TLCD4: variants seen among roughly 807,000 people sequenced by gnomAD.
The protein encoded by TLCD4 is TLC domain-containing protein 4.
TLCD4 carries 7 observed loss-of-function variants against 24.2 expected under a neutral mutation model. The observed-to-expected ratio is 0.29, with a 90% CI of 0.16 to 0.54. The LOEUF is 0.54. Among genes scored for constraint, TLCD4 ranks in the 20% least tolerant of loss-of-function variants. The pLI, the probability that TLCD4 is intolerant of heterozygous loss-of-function variation, is 0.95. For synonymous variants in TLCD4, 103 were observed against 106.4 expected (o/e 0.97, Z 0.20); for missense variants, 259 against 313.9 (o/e 0.82, Z 1.32).
chr1:95,099,358 GTGATTACC>G, the TLCD4 span, among the ~76,000 whole-genome samples: 1 of 152,118 alleles, frequency 6.6e-6, no homozygotes, highest in African/African-American at 2.4e-5. Context: ...TGCTTCCTTA[GTGATTACC>G]TGCTCATCTT....
At chr1:95,182,253 CAT>C (rs1678670890) in intron 6 of TLCD4, among the ~76,000 whole-genome samples, 1 of 150,604 alleles carries the variant, frequency 6.6e-6, no homozygotes, top group South Asian at 2.1e-4. Context: ...CTCAAGCAAT[CAT>C]AGTTTATTGT....
At chr1:95,142,529 T>C (rs1426833532) in intron 1 of TLCD4, among the ~76,000 whole-genome samples, 2 of 152,108 alleles carry the variant, frequency 1.3e-5, no homozygotes, top group African/African-American at 4.8e-5. Context: ...GAAAGTACAC[T>C]CCACAGGGTG....
At chr1:95,137,153 A>G (rs1302509333) in intron 1 of TLCD4, among the ~76,000 whole-genome samples, 2 of 152,214 alleles carry the variant, frequency 1.3e-5, no homozygotes, top group Non-Finnish European at 2.9e-5. Context: ...AAAGGTGTTT[A>G]TGCCTGATCG....
At chr1:95,099,214 G>A in the TLCD4 span, among the ~76,000 whole-genome samples, 8 of 152,032 alleles carry the variant, frequency 5.3e-5, no homozygotes, top group Admixed American at 5.2e-4. Flanking sequence ...AATCACTTGA[G>A]TCCAGAAGTT....
Position 95,148,690 on chromosome 1 carries a change from GTT to G in TLCD4, c.156-10_156-9del. 1 of 1,611,842 alleles carries G rather than the reference GTT, an allele frequency of 6.2e-7. No individual in the cohort carries two copies. Among genetic ancestry groups the G allele is most frequent in the Non-Finnish European group, 8.5e-7 (1 of 1,179,258 alleles). On this transcript the variant is annotated splice_polypyrimidine_tract_variant and intron_variant, in intron 2 of 6. Transcript: ENST00000370203. ...AATCTAAAATCTTTGTGTGTATTTT[GTT>G]TAATTTCAGGGTAGTATCCACATGC...
the TLCD4 span, among the ~76,000 whole-genome samples, chr1:95,106,892 A>G: frequency 2.0e-5 from 3 of 152,346 alleles, no homozygotes; most frequent in African/African-American, 7.2e-5. Flanking sequence ...TGAATGCAGC[A>G]TATGCATTTT....
intron 1 of TLCD4, among the ~76,000 whole-genome samples, chr1:95,137,742 T>C (rs1677087714): frequency 7.0e-6 from 1 of 143,668 alleles, no homozygotes; most frequent in African/African-American, 2.5e-5. Context: ...TTCTTCCTTC[T>C]CTTTTTTTCT....
At chr1:95,172,004 C>T (rs1288763392) in intron 5 of TLCD4, among the ~76,000 whole-genome samples, 1 of 152,140 alleles carries the variant, frequency 6.6e-6, no homozygotes, top group Non-Finnish European at 1.5e-5. Context: ...CACGTGGAGA[C>T]TGGAGTTAGG....
chr1:95,092,646 C>T, the TLCD4 span, among the ~76,000 whole-genome samples: 2 of 151,880 alleles, frequency 1.3e-5, no homozygotes, highest in African/African-American at 4.8e-5. Context: ...AGCAAGACCA[C>T]GAACCTACCA....
intron 1 of TLCD4, among the ~76,000 whole-genome samples, chr1:95,121,789 AT>A (rs1335222676): frequency 6.6e-6 from 1 of 152,200 alleles, no homozygotes; most frequent in Non-Finnish European, 1.5e-5. Context: ...TTCTTATTAC[AT>A]TTTATAAAAG....
At chr1:95,108,363 A>G in the TLCD4 span, among the ~76,000 whole-genome samples, 1 of 152,102 alleles carries the variant, frequency 6.6e-6, no homozygotes, top group African/African-American at 2.4e-5. Context: ...GAATTCATCC[A>G]TATTTTCATG....
chr1:95,173,193 T>C (rs1466306133), intron 5 of TLCD4, among the ~76,000 whole-genome samples: 1 of 152,218 alleles, frequency 6.6e-6, no homozygotes, highest in Non-Finnish European at 1.5e-5. Context: ...TGAGGATAAG[T>C]GCTTTTTTGA....
rs1676460987 is a variant in TLCD4, at chr1:95,117,631, G to GAGGGGGGGTTGGGGAGGA, written c.-12+18_-12+35dup. The GAGGGGGGGTTGGGGAGGA allele has an allele frequency of 6.6e-6, 1 of 152,430 alleles. No individual in the cohort carries two copies. Among genetic ancestry groups the GAGGGGGGGTTGGGGAGGA allele is most frequent in the African/African-American group, 2.4e-5 (1 of 41,400 alleles). 9.4% of individuals were successfully genotyped at this position (152,430 alleles called of 1,614,324 possible). ...GACCCGGCACAGGTGACGCCGTTTGGAGGGGGGGTTGGGGAGGAAGGCGGG... is the reference window on the plus strand; with the variant it reads ...GACCCGGCACAGGTGACGCCGTTTGGAGGGGGGGTTGGGGAGGAAGGGGGGGTTGGGGAGGAAGGCGGG... On this transcript the variant is annotated intron_variant, in intron 1 of 6. Coordinates refer to ENST00000370203, the MANE Select transcript of TLCD4 (RefSeq NM_152487.3).
chr1:95,129,342 T>G (rs12128873), intron 1 of TLCD4, among the ~76,000 whole-genome samples: 13,917 of 152,266 alleles, frequency 0.091, 844 homozygotes, highest in Non-Finnish European at 0.14. Context: ...ATACCCTTTT[T>G]CAAAGTTCAG....
intron 5 of TLCD4, among the ~76,000 whole-genome samples, chr1:95,159,889 T>A (rs2100962628): frequency 6.6e-6 from 1 of 152,364 alleles, no homozygotes; most frequent in East Asian, 1.9e-4. Flanking sequence ...ACCAGTACCA[T>A]GCTGTTTTGG....
At chr1:95,184,326 T>A (rs1169080943) in intron 6 of TLCD4, among the ~76,000 whole-genome samples, 1 of 144,740 alleles carries the variant, frequency 6.9e-6, no homozygotes, top group African/African-American at 2.6e-5. Flanking sequence ...CAAGGATCAA[T>A]TATTTGTCCC....
intron 5 of TLCD4, among the ~76,000 whole-genome samples, chr1:95,171,056 C>G (rs1404501370): frequency 6.6e-6 from 1 of 152,224 alleles, no homozygotes; most frequent in Non-Finnish European, 1.5e-5. Flanking sequence ...CTCATCCCCC[C>G]CCTTTTTTTT....
In TLCD4 at chr1:95,168,913, C is replaced by A. The variant is rs373898745; in HGVS notation, c.400-4903C>A. Among the ~76,000 whole-genome samples, 14 of 152,222 alleles carry A rather than the reference C, an allele frequency of 9.2e-5. No homozygotes were observed. In the East Asian group the frequency reaches 1.5e-3, roughly 17 times the overall value. The stretch of plus-strand genomic sequence containing the variant: ...TCTCACAGATAAGCAGAGAGATCTG[C>A]GGAGCCAATTGACTGGGGGTTCTCC... On this transcript the variant is annotated intron_variant, in intron 5 of 6. Transcript: ENST00000370203.
intron 1 of TLCD4, among the ~76,000 whole-genome samples, chr1:95,122,171 A>T (rs547454628): frequency 2.1e-4 from 32 of 152,302 alleles, no homozygotes; most frequent in Admixed American, 1.4e-3. Context: ...TGGCCCACCC[A>T]CATGGTGAAA....
Sources: allele counts gnomAD v4.1 joint callset (sites outside exome capture counted in the v4.1 genomes callset), GRCh38; gene constraint gnomAD v4.1.1; transcripts MANE v1.5; gene names NCBI Gene and HGNC (gene_info 2026-07-23, HGNC 2026-07-21).